Variants in LRRC38 observed in about 807,000 individuals in gnomAD.
LRRC38 encodes leucine-rich repeat-containing protein 38.
In LRRC38, 5 loss-of-function variants were observed where a neutral mutation model predicts 16.4. The observed-to-expected ratio is 0.31, with a 90% CI of 0.16 to 0.64. The LOEUF is 0.64. Among genes scored for constraint, LRRC38 ranks in the 30% least tolerant of loss-of-function variants. The pLI is 0.80. For synonymous variants in LRRC38, 191 were observed against 190.2 expected (o/e 1.00, Z -0.04); for missense variants, 341 against 401.8 (o/e 0.85, Z 1.29).
At chr1:13,479,970 G>A (rs1410268273) in intron 1 of LRRC38, among the ~76,000 whole-genome samples, 3 of 152,208 alleles carry the variant, frequency 2.0e-5, no homozygotes, top group Non-Finnish European at 4.4e-5. Context: ...GGGCCGTCCT[G>A]TGTCCTGTAG....
At chr1:13,482,952 G>A (rs1638887309) in intron 1 of LRRC38, among the ~76,000 whole-genome samples, 1 of 152,086 alleles carries the variant, frequency 6.6e-6, no homozygotes, top group East Asian at 1.9e-4. Context: ...AGCACAGAGA[G>A]GGCAAGTGAC....
At chr1:13,476,678 G>T (rs748860855) in intron 1 of LRRC38, among the ~76,000 whole-genome samples, 2 of 152,164 alleles carry the variant, frequency 1.3e-5, no homozygotes, top group South Asian at 2.1e-4. Context: ...GGATGGAAGG[G>T]CATCATTATC....
At chr1:13,510,902 ACCCAC>A (rs1184692869) in intron 1 of LRRC38, among the ~76,000 whole-genome samples, 2 of 151,966 alleles carry the variant, frequency 1.3e-5, no homozygotes, top group Non-Finnish European at 2.9e-5. Context: ...AACCTCCACC[ACCCAC>A]CCTGCATGTG....
chr1:13,483,246 G>A (rs111228469), intron 1 of LRRC38, among the ~76,000 whole-genome samples: 1 of 152,154 alleles, frequency 6.6e-6, no homozygotes, highest in Non-Finnish European at 1.5e-5. Flanking sequence ...CTGCCTCCCA[G>A]GCTCAAGCAA....
intron 1 of LRRC38, among the ~76,000 whole-genome samples, chr1:13,508,264 C>A (rs1639234656): frequency 1.3e-5 from 2 of 152,148 alleles, no homozygotes; most frequent in Admixed American, 1.3e-4. Flanking sequence ...CATAGACTTT[C>A]ACCCTGTGTT....
At chr1:13,492,629 G>C (rs888674728) in intron 1 of LRRC38, among the ~76,000 whole-genome samples, 2 of 152,078 alleles carry the variant, frequency 1.3e-5, no homozygotes, top group African/African-American at 4.8e-5. Context: ...TTGAATCTGG[G>C]AGATGGAGGT....
Position 13,483,927 on chromosome 1 carries a change from A to G in LRRC38, c.632-7828T>C, listed in dbSNP as rs562477247. Among the ~76,000 whole-genome samples, 283 of 47,910 alleles carry G rather than the reference A, an allele frequency of 5.9e-3. 1 individual carries two copies. The highest frequency in any genetic ancestry group is 0.02 in the African/African-American group (262 of 12,830). The allele number at this position is 47,910 out of a possible 152,430, so 31.4% of individuals were successfully genotyped here. A position where few individuals can be genotyped will look rare whatever the true frequency, so the allele number is the denominator to read the frequency against. ...AAACAGAACCAACAGAGAGGAGAGG[A>G]GTGGGGAGGGGAGGAGCGGGGAGGG... On this transcript the variant is annotated intron_variant, in intron 1 of 1. Coordinates refer to ENST00000376085, the MANE Select transcript of LRRC38 (RefSeq NM_001010847.2).
In LRRC38 at chr1:13,513,656, G is replaced by C; in HGVS notation, c.-63C>G. On this transcript the variant is annotated 5_prime_UTR_variant, in exon 1 of 2. Coordinates refer to ENST00000376085, the MANE Select transcript of LRRC38 (RefSeq NM_001010847.2). ...CGGCTCTCGGAGCGAGCCCTGGCGCGGGACGGCGCGGTGAGGCACTGGCTG... is the reference window on the plus strand; with the variant it reads ...CGGCTCTCGGAGCGAGCCCTGGCGCCGGACGGCGCGGTGAGGCACTGGCTG... 9.8e-7 allele frequency: 1 copy of C among 1,015,792 alleles called. No individual in the cohort carries two copies. 62.9% of individuals were successfully genotyped at this position (1,015,792 alleles called of 1,614,324 possible).
chr1:13,510,787 A>G (rs1639265574), intron 1 of LRRC38, among the ~76,000 whole-genome samples: 1 of 152,194 alleles, frequency 6.6e-6, no homozygotes, highest in Admixed American at 6.5e-5. Context: ...CACATTCTGA[A>G]TCCAGATGCA....
intron 1 of LRRC38, among the ~76,000 whole-genome samples, chr1:13,477,135 C>T (rs570502117): frequency 1.3e-5 from 2 of 152,210 alleles, no homozygotes; most frequent in African/African-American, 2.4e-5. Flanking sequence ...AGATGGATTT[C>T]GCCATGTTGC....
intron 1 of LRRC38, among the ~76,000 whole-genome samples, chr1:13,483,121 G>C (rs1638889896): frequency 6.6e-6 from 1 of 151,790 alleles, no homozygotes; most frequent in Admixed American, 6.6e-5. Context: ...GCTCCCTCGA[G>C]GCACAGTGTC....
At chr1:13,477,002 G>A (rs1479618119) in intron 1 of LRRC38, among the ~76,000 whole-genome samples, 1 of 152,174 alleles carries the variant, frequency 6.6e-6, no homozygotes, top group Non-Finnish European at 1.5e-5. Context: ...CTACTCAGGA[G>A]GCTGAGGCAC....
At chr1:13,489,036 G>A (rs1267146550) in intron 1 of LRRC38, among the ~76,000 whole-genome samples, 1 of 151,474 alleles carries the variant, frequency 6.6e-6, no homozygotes, top group African/African-American at 2.4e-5. Context: ...GAGTGGGGCT[G>A]AGTAAGTAAA....
chr1:13,489,601 G>A (rs897491353), intron 1 of LRRC38, among the ~76,000 whole-genome samples: 4 of 152,120 alleles, frequency 2.6e-5, no homozygotes, highest in African/African-American at 7.2e-5. Context: ...GAAGCTGCAC[G>A]TGCTACAGTC....
chr1:13,499,915 T>C (rs1255931662), intron 1 of LRRC38, among the ~76,000 whole-genome samples: 1 of 152,166 alleles, frequency 6.6e-6, no homozygotes, highest in Non-Finnish European at 1.5e-5. Context: ...CTGGGAACTG[T>C]ACAGGGCGAA....
At chr1:13,509,941 C>A (rs1569941162) in intron 1 of LRRC38, among the ~76,000 whole-genome samples, 1 of 152,176 alleles carries the variant, frequency 6.6e-6, no homozygotes, top group Non-Finnish European at 1.5e-5. Flanking sequence ...CCCCCTACCC[C>A]CAGGCCCTCA....
At chr1:13,481,752 ACTTT>A (rs57123642) in intron 1 of LRRC38, among the ~76,000 whole-genome samples, 1 of 88,192 alleles carries the variant, frequency 1.1e-5, no homozygotes, top group Non-Finnish European at 2.3e-5. Flanking sequence ...TCTGCCTCTC[ACTTT>A]CTTTCCCTCT....
chr1:13,496,110 G>C (rs1437150012), intron 1 of LRRC38, among the ~76,000 whole-genome samples: 1 of 152,030 alleles, frequency 6.6e-6, no homozygotes, highest in Non-Finnish European at 1.5e-5. Flanking sequence ...CACCATGTCT[G>C]AGATTCTATA....
chr1:13,510,371 C>G (rs772864556), intron 1 of LRRC38, among the ~76,000 whole-genome samples: 1 of 152,130 alleles, frequency 6.6e-6, no homozygotes, highest in African/African-American at 2.4e-5. Context: ...CATCGCTTCT[C>G]TAGTCAAAAC....
Sources: allele counts gnomAD v4.1 joint callset (sites outside exome capture counted in the v4.1 genomes callset), GRCh38; gene constraint gnomAD v4.1.1; transcripts MANE v1.5; gene names NCBI Gene and HGNC (gene_info 2026-07-23, HGNC 2026-07-21).